TRIO: variants seen among roughly 807,000 people sequenced by gnomAD.
TRIO encodes the protein trio Rho guanine nucleotide exchange factor, also known as triple functional domain protein.
Under a neutral mutation model 351.9 loss-of-function variants are expected in TRIO, and 58 were observed. The ratio of observed to expected loss-of-function variants is 0.16; its 90% CI spans 0.13 to 0.21. TRIO has a LOEUF of 0.21. Ranked by LOEUF, TRIO falls within the 10% of genes least tolerant of loss-of-function variation. The pLI is 1.00. For synonymous variants in TRIO, 1,758 were observed against 1,595.7 expected, an observed-to-expected ratio of 1.10 and a Z score of -2.42; for missense variants, 3,201 against 4,027.8, an observed-to-expected ratio of 0.79 and a Z score of 5.56.
At chr5:14,300,000 C>A (rs1034126965) in intron 7 of TRIO, among the ~76,000 whole-genome samples, 26 of 152,242 alleles carry the variant, frequency 1.7e-4, no homozygotes, top group Admixed American at 6.5e-5. Context: ...TTCATAGATG[C>A]TATAACTTCC....
intron 18 of TRIO, among the ~76,000 whole-genome samples, chr5:14,372,301 C>T (rs989679710): frequency 1.3e-5 from 2 of 151,010 alleles, no homozygotes; most frequent in Non-Finnish European, 2.9e-5. Context: ...GAAAACCTTG[C>T]CAGTGGTGCT....
intron 1 of TRIO, among the ~76,000 whole-genome samples, chr5:14,223,452 G>A (rs957603055): frequency 6.6e-6 from 1 of 152,198 alleles, no homozygotes; most frequent in African/African-American, 2.4e-5. Flanking sequence ...GCTGGTGTAA[G>A]TTGCATCACA....
intron 6 of TRIO, 42 bp from the exon 7 acceptor site, chr5:14,297,030 T>C: frequency 2.6e-6 from 4 of 1,556,034 alleles, no homozygotes; most frequent in Non-Finnish European, 3.5e-6. Flanking sequence ...GCCTCCTATT[T>C]GCTCTCCCCT....
At chr5:14,275,726 A>G (rs1302999070) in intron 2 of TRIO, among the ~76,000 whole-genome samples, 1 of 151,514 alleles carries the variant, frequency 6.6e-6, no homozygotes. Flanking sequence ...ATTTCAAAGA[A>G]TATTCTGGAG....
chr5:14,462,090 G>A (rs1482166219), intron 35 of TRIO, among the ~76,000 whole-genome samples: 12 of 152,294 alleles, frequency 7.9e-5, no homozygotes, highest in African/African-American at 2.6e-4. Context: ...ACACAGGTTC[G>A]AAAAAGAAAA....
At chr5:14,199,866 G>C (rs1278081450) in intron 1 of TRIO, among the ~76,000 whole-genome samples, 1 of 152,202 alleles carries the variant, frequency 6.6e-6, no homozygotes, top group Admixed American at 6.5e-5. Flanking sequence ...TCCAAGACAG[G>C]GAGTTGGGGA....
At chr5:14,487,368 C>A in intron 47 of TRIO, 96 bp from the exon 48 acceptor site, 4 of 1,064,792 alleles carry the variant, frequency 3.8e-6, no homozygotes, top group Non-Finnish European at 4.6e-6. Context: ...GGGGTCTGCC[C>A]CATGACCCAT....
intron 1 of TRIO, among the ~76,000 whole-genome samples, chr5:14,230,581 C>A (rs1793352825): frequency 6.6e-6 from 1 of 152,146 alleles, no homozygotes; most frequent in Admixed American, 6.5e-5. Flanking sequence ...AGCAGCTGAA[C>A]TCTCTCCTGT....
intron 19 of TRIO, among the ~76,000 whole-genome samples, chr5:14,376,107 G>A (rs1238107216): frequency 6.6e-6 from 1 of 152,174 alleles, no homozygotes; most frequent in East Asian, 1.9e-4. Flanking sequence ...GTAGTATTGA[G>A]AGAGTCTGTT....
chr5:14,155,422 CTAACTT>C (rs1281112036), intron 1 of TRIO, among the ~76,000 whole-genome samples: 3 of 152,188 alleles, frequency 2.0e-5, no homozygotes, highest in African/African-American at 7.2e-5. Flanking sequence ...ATCTAAATCA[CTAACTT>C]TAACACCTTT....
chr5:14,349,374 G>C lies in TRIO; in HGVS notation c.2047-8804G>C, dbSNP rs139159120. Reference sequence around the variant, plus strand: ...CCTGCATATGTGTGCACACATGTGAGCATGTGTGTGTTTTACCCTATTATT... The same window carrying C: ...CCTGCATATGTGTGCACACATGTGACCATGTGTGTGTTTTACCCTATTATT... On this transcript the variant is annotated intron_variant, in intron 11 of 56. Transcript: ENST00000344204. Among the ~76,000 whole-genome samples, 6 of 152,360 alleles carry C rather than the reference G, an allele frequency of 3.9e-5. No homozygotes were observed. In the East Asian group the frequency reaches 1.2e-3, roughly 29 times the overall value.
intron 15 of TRIO, 134 bp from the exon 16 acceptor site, chr5:14,366,726 G>A: frequency 1.5e-6 from 2 of 1,313,184 alleles, no homozygotes; most frequent in Non-Finnish European, 2.1e-6. Context: ...TGGATTTTAG[G>A]ATGATGAAGG....
chr5:14,489,022 T>C (rs958161111), intron 48 of TRIO: 2 of 765,176 alleles, frequency 2.6e-6, no homozygotes, highest in African/African-American at 1.7e-5. Context: ...CCCACCTGTT[T>C]CCTACAGGGC....
chr5:14,348,829 A>T (rs1181942446), intron 11 of TRIO, among the ~76,000 whole-genome samples: 1 of 106,936 alleles, frequency 9.4e-6, no homozygotes, highest in African/African-American at 4.1e-5. Context: ...CTGCGTGTTT[A>T]TGTGTGTGTA....
chr5:14,416,887 G>A (rs1749692831), intron 33 of TRIO, among the ~76,000 whole-genome samples: 2 of 152,186 alleles, frequency 1.3e-5, no homozygotes, highest in Admixed American at 1.3e-4. Flanking sequence ...AAGAATGTCA[G>A]GGAAGCCCAG....
At chr5:14,383,484 C>T (rs1746290109) in intron 21 of TRIO, among the ~76,000 whole-genome samples, 1 of 152,186 alleles carries the variant, frequency 6.6e-6, no homozygotes, top group African/African-American at 2.4e-5. Context: ...TTTTCCATTC[C>T]TGAATACTCC....
rs375903267 is a variant in TRIO at position 14,231,866 on chromosome 5, T to C, written c.158-38959T>C. Among the ~76,000 whole-genome samples, 25 of 151,440 alleles carry C rather than the reference T, an allele frequency of 1.7e-4. 1 individual carries two copies. The highest frequency in any genetic ancestry group is 5.6e-4 in the African/African-American group (23 of 41,224). On this transcript the variant is annotated intron_variant, in intron 1 of 56. Coordinates refer to ENST00000344204, the MANE Select transcript of TRIO (RefSeq NM_007118.4). ...CTGATTTTTTTTTTTTTTTTGATTG[T>C]TTTCTCATACTATCATAGGCCATTT... is the stretch of plus-strand genomic sequence containing the variant.
At chr5:14,211,590 G>GTTT (rs33992664) in intron 1 of TRIO, among the ~76,000 whole-genome samples, 2,648 of 119,982 alleles carry the variant, frequency 0.022, 146 homozygotes, top group African/African-American at 0.071. Context: ...ACACTCAGTT[G>GTTT]TTTTTTTTTT....
intron 11 of TRIO, among the ~76,000 whole-genome samples, chr5:14,348,662 T>A (rs1742669134): frequency 6.9e-6 from 1 of 144,566 alleles, no homozygotes; most frequent in African/African-American, 2.9e-5. Flanking sequence ...TTTTCCTGTG[T>A]GTATATGTGT....
Sources: allele counts gnomAD v4.1 joint callset (sites outside exome capture counted in the v4.1 genomes callset), GRCh38; gene constraint gnomAD v4.1.1; transcripts MANE v1.5; gene names NCBI Gene and HGNC (gene_info 2026-07-23, HGNC 2026-07-21).